CDIN1: variants seen among roughly 807,000 people sequenced by gnomAD.
The protein encoded by CDIN1 is CDAN1 interacting nuclease 1.
A neutral mutation model predicts 45.3 loss-of-function variants in CDIN1; 33 were observed. The ratio of observed to expected loss-of-function variants is 0.73; its 90% CI spans 0.55 to 0.97. The LOEUF is 0.97. Ranked by LOEUF, CDIN1 falls within the 50% of genes least tolerant of loss-of-function variation. The pLI is 0.00. For synonymous variants in CDIN1, 118 were observed against 124.4 expected, an observed-to-expected ratio of 0.95 and a Z score of 0.34; for missense variants, 303 against 339.4, an observed-to-expected ratio of 0.89 and a Z score of 0.84.
chr15:36,653,983 T>C (rs996556860), intron 3 of CDIN1, 115 bp from the exon 4 acceptor site: 1 of 715,212 alleles, frequency 1.4e-6, no homozygotes, highest in Non-Finnish European at 2.3e-6. Context: ...TTACTTTAAC[T>C]AGAGTTGAGC....
intron 10 of CDIN1, among the ~76,000 whole-genome samples, chr15:36,785,216 A>G (rs2054458316): frequency 6.6e-6 from 1 of 152,208 alleles, no homozygotes; most frequent in Admixed American, 6.5e-5. Flanking sequence ...ATCACAAAAT[A>G]GCTAAGGTGT....
chr15:36,607,998 G>T (rs2038461971), intron 1 of CDIN1, among the ~76,000 whole-genome samples: 1 of 152,030 alleles, frequency 6.6e-6, no homozygotes, highest in Non-Finnish European at 1.5e-5. Context: ...AATGTTTTTG[G>T]GATTCATTCG....
intron 5 of CDIN1, among the ~76,000 whole-genome samples, chr15:36,678,599 C>T (rs181406481): frequency 2.0e-4 from 31 of 152,270 alleles, no homozygotes; most frequent in African/African-American, 7.0e-4. Context: ...CATGACTTTT[C>T]CTTCTCATCT....
At chr15:36,693,806 G>A (rs1306894679) in intron 7 of CDIN1, among the ~76,000 whole-genome samples, 10 of 152,060 alleles carry the variant, frequency 6.6e-5, no homozygotes, top group Non-Finnish European at 7.4e-5. Context: ...ATCAATAATA[G>A]GTATTATTAT....
At chr15:36,757,871 A>T (rs2053650005) in intron 10 of CDIN1, among the ~76,000 whole-genome samples, 1 of 152,158 alleles carries the variant, frequency 6.6e-6, no homozygotes, top group South Asian at 2.1e-4. Context: ...TCATCACAGG[A>T]AGAGAGTGAG....
chr15:36,762,458 C>G (rs2053791842), intron 10 of CDIN1, among the ~76,000 whole-genome samples: 1 of 151,840 alleles, frequency 6.6e-6, no homozygotes, highest in Non-Finnish European at 1.5e-5. Flanking sequence ...CGAGGCACCT[C>G]TGCCCCATAT....
At chr15:36,605,989 A>G (rs925288435) in intron 1 of CDIN1, among the ~76,000 whole-genome samples, 1 of 152,076 alleles carries the variant, frequency 6.6e-6, no homozygotes, top group African/African-American at 2.4e-5. Flanking sequence ...CCTCTAGCTT[A>G]TCACTTGCTT....
chr15:36,795,000 AG>A (rs1566978688), intron 10 of CDIN1, among the ~76,000 whole-genome samples: 1 of 152,258 alleles, frequency 6.6e-6, no homozygotes, highest in African/African-American at 2.4e-5. Flanking sequence ...ATGGAACTGG[AG>A]GTTATTATGT....
chr15:36,765,483 A>G (rs2053896658), intron 10 of CDIN1, among the ~76,000 whole-genome samples: 2 of 152,202 alleles, frequency 1.3e-5, no homozygotes, highest in African/African-American at 4.8e-5. Context: ...GGGGGATAAA[A>G]ATAGATCTAT....
intron 10 of CDIN1, among the ~76,000 whole-genome samples, chr15:36,717,732 T>A (rs538936695): frequency 1.9e-4 from 29 of 152,288 alleles, no homozygotes; most frequent in African/African-American, 6.7e-4. Flanking sequence ...GGAATATTTT[T>A]ACCTTTTTAC....
At chr15:36,674,880 G>A (rs1187290447) in intron 5 of CDIN1, among the ~76,000 whole-genome samples, 1 of 152,074 alleles carries the variant, frequency 6.6e-6, no homozygotes, top group Non-Finnish European at 1.5e-5. Context: ...CGGTAGTGCT[G>A]TATAGATCTG....
intron 1 of CDIN1, among the ~76,000 whole-genome samples, chr15:36,597,634 C>T (rs1180216040): frequency 2.0e-5 from 3 of 152,144 alleles, no homozygotes; most frequent in African/African-American, 4.8e-5. Context: ...TTGACTTCAT[C>T]GTCTTTATCT....
chr15:36,591,121 C>T (rs6495854), intron 1 of CDIN1, among the ~76,000 whole-genome samples: 86,551 of 151,922 alleles, frequency 0.57, 25,088 homozygotes, highest in Middle Eastern at 0.68. Flanking sequence ...TAGCTGATGA[C>T]GTGGTTCTAT....
chr15:36,635,910 G>A (rs887322602), intron 1 of CDIN1, among the ~76,000 whole-genome samples: 9 of 152,044 alleles, frequency 5.9e-5, no homozygotes, highest in Admixed American at 5.9e-4. Context: ...ATACCGGAAT[G>A]TAACATACAA....
intron 10 of CDIN1, among the ~76,000 whole-genome samples, chr15:36,730,479 G>C (rs754554763): frequency 1.8e-4 from 28 of 152,152 alleles, no homozygotes; most frequent in Non-Finnish European, 3.7e-4. Context: ...CAATACAACT[G>C]TTTTAAAAGT....
chr15:36,583,646 C>T (rs2037149721), intron 1 of CDIN1, among the ~76,000 whole-genome samples: 1 of 152,146 alleles, frequency 6.6e-6, no homozygotes, highest in Non-Finnish European at 1.5e-5. Flanking sequence ...GCAATTTTAC[C>T]ATATGCTAAT....
At chr15:36,611,960 T>C (rs16963681) in intron 1 of CDIN1, among the ~76,000 whole-genome samples, 7,078 of 152,304 alleles carry the variant, frequency 0.046, 407 homozygotes, top group African/African-American at 0.13. Context: ...CCGTGGTACA[T>C]TGTTCAGAAT....
chr15:36,690,004 T>G (rs544627085), intron 5 of CDIN1, among the ~76,000 whole-genome samples: 12 of 152,332 alleles, frequency 7.9e-5, no homozygotes, highest in African/African-American at 2.2e-4. Flanking sequence ...TTGCCAAGGT[T>G]GCAGAGCCAG....
intron 1 of CDIN1, among the ~76,000 whole-genome samples, chr15:36,609,385 A>G (rs1327111375): frequency 6.6e-6 from 1 of 152,228 alleles, no homozygotes; most frequent in African/African-American, 2.4e-5. Context: ...TGCTAAAAAT[A>G]AAAACTTGTA....
Sources: allele counts gnomAD v4.1 joint callset (sites outside exome capture counted in the v4.1 genomes callset), GRCh38; gene constraint gnomAD v4.1.1; transcripts MANE v1.5; gene names NCBI Gene and HGNC (gene_info 2026-07-23, HGNC 2026-07-21).